LYRM4: variants seen among roughly 807,000 people sequenced by gnomAD.
LYRM4 encodes LYR motif containing 4, also known as LYR motif-containing protein 4.
A neutral mutation model predicts 11.7 loss-of-function variants in LYRM4; 9 were observed. The observed-to-expected ratio is 0.77, with a 90% confidence interval of 0.46 to 1.34. The LOEUF is 1.34. LYRM4 is among the 40% of genes most tolerant of loss of function. The pLI is 0.00. For synonymous variants in LYRM4, 42 were observed against 40.4 expected (o/e 1.04, Z -0.15); for missense variants, 133 against 112.5 (o/e 1.18, Z -0.82).
At chr6:5,069,211 G>T in the LYRM4 span, among the ~76,000 whole-genome samples, 2 of 151,912 alleles carry the variant, frequency 1.3e-5, no homozygotes, top group African/African-American at 4.8e-5. Flanking sequence ...TTGTTCTAAG[G>T]ATTTCTTTTC....
At chr6:5,042,005 T>A in the LYRM4 span, among the ~76,000 whole-genome samples, 5 of 152,348 alleles carry the variant, frequency 3.3e-5, no homozygotes, top group East Asian at 9.6e-4. Context: ...AGTTGTATTA[T>A]ATTTCAAAAT....
chr6:5,087,012 T>A, the LYRM4 span: 1 of 161,310 alleles, frequency 6.2e-6, no homozygotes, highest in African/African-American at 2.4e-5. Context: ...CCTGCCACGG[T>A]GCACCAGAGG....
intron 2 of LYRM4, among the ~76,000 whole-genome samples, chr6:5,125,445 C>T (rs1763657458): frequency 6.6e-6 from 1 of 152,230 alleles, no homozygotes; most frequent in Non-Finnish European, 1.5e-5. Flanking sequence ...GTTCCTCGAG[C>T]ACAGTGACCC....
chr6:5,083,024 C>T, the LYRM4 span, among the ~76,000 whole-genome samples: 1 of 152,228 alleles, frequency 6.6e-6, no homozygotes, highest in Admixed American at 6.5e-5. Flanking sequence ...GCCCCTCCCA[C>T]GCACTGAGAG....
the LYRM4 span, among the ~76,000 whole-genome samples, chr6:5,079,982 T>C: frequency 6.6e-6 from 1 of 152,360 alleles, no homozygotes; most frequent in African/African-American, 2.4e-5. Context: ...AATGTTTGCA[T>C]AGTGGTATTG....
At chr6:5,206,914 C>G (rs1761730977) in intron 2 of LYRM4, among the ~76,000 whole-genome samples, 1 of 151,950 alleles carries the variant, frequency 6.6e-6, no homozygotes, top group African/African-American at 2.4e-5. Flanking sequence ...GCTTCATTAC[C>G]AGACTAGGGA....
chr6:5,066,349 T>C, the LYRM4 span: 1 of 727,064 alleles, frequency 1.4e-6, no homozygotes, highest in Non-Finnish European at 2.6e-6. Flanking sequence ...AGTACAGGAA[T>C]ACGTCATATG....
rs1762988506 is a variant in LYRM4 at position 5,113,711 on chromosome 6, TTTC to T, written c.208-4223_208-4221del. 5.6e-5 allele frequency among the ~76,000 whole-genome samples: 8 copies of T among 143,662 alleles called. No homozygotes were observed. The South Asian group carries it at 1.6e-3, about 29-fold the overall frequency. 94.2% of individuals were successfully genotyped at this position (143,662 alleles called of 152,430 possible). On this transcript the variant is annotated intron_variant, in intron 2 of 2. Transcript: ENST00000330636. ...CTGCTCCTCTACCAGGTCCCAACAATTTCTTCCTTTCTTTTCTCTCTCTCTTTT... is the reference window on the plus strand; with the variant it reads ...CTGCTCCTCTACCAGGTCCCAACAATTTCCTTTCTTTTCTCTCTCTCTTTT...
At chr6:5,242,176 G>A (rs1763920131) in intron 1 of LYRM4, among the ~76,000 whole-genome samples, 1 of 151,126 alleles carries the variant, frequency 6.6e-6, no homozygotes, top group South Asian at 2.1e-4. Flanking sequence ...TGGTTCAAGC[G>A]ATTCTCCTGC....
the LYRM4 span, chr6:5,085,476 G>T: frequency 6.5e-7 from 1 of 1,528,878 alleles, no homozygotes; most frequent in African/African-American, 1.4e-5. Context: ...GTCCAGGGGC[G>T]AACGGCGTCA....
the LYRM4 span, chr6:5,066,851 C>T: frequency 1.2e-6 from 1 of 841,230 alleles, no homozygotes; most frequent in South Asian, 1.6e-5. Flanking sequence ...AGGAGTCAGA[C>T]AGGCCACGGC....
At chr6:5,138,774 A>C (rs1757249353) in intron 2 of LYRM4, 4 of 1,462,048 alleles carry the variant, frequency 2.7e-6, no homozygotes, top group Non-Finnish European at 9.2e-7. Flanking sequence ...AAAAGTTAAG[A>C]GTAACAGTTA....
intron 2 of LYRM4, among the ~76,000 whole-genome samples, chr6:5,200,052 T>C (rs1353255146): frequency 6.6e-6 from 1 of 152,222 alleles, no homozygotes; most frequent in African/African-American, 2.4e-5. Context: ...TTCCCACAAA[T>C]TCCCCCTGAA....
At chr6:5,070,223 T>G in the LYRM4 span, among the ~76,000 whole-genome samples, 3 of 152,178 alleles carry the variant, frequency 2.0e-5, no homozygotes. Context: ...AGCCAGACTC[T>G]AGGAAACTTA....
chr6:5,236,842 A>G (rs936744932), intron 1 of LYRM4, among the ~76,000 whole-genome samples: 1 of 151,800 alleles, frequency 6.6e-6, no homozygotes, highest in Non-Finnish European at 1.5e-5. Context: ...CTGTAGCCCC[A>G]GCTATTTGGG....
At chr6:5,221,509 A>G (rs747356098) in intron 1 of LYRM4, among the ~76,000 whole-genome samples, 13 of 152,100 alleles carry the variant, frequency 8.5e-5, no homozygotes, top group Non-Finnish European at 1.9e-4. Context: ...CCTGGTCAAC[A>G]TGGTGAAACC....
chr6:5,089,692 A>G, the LYRM4 span, among the ~76,000 whole-genome samples: 1 of 152,210 alleles, frequency 6.6e-6, no homozygotes, highest in African/African-American at 2.4e-5. Context: ...TATGGCTGCT[A>G]GGAAAGGAAA....
intron 2 of LYRM4, among the ~76,000 whole-genome samples, chr6:5,192,238 G>C (rs1232809334): frequency 1.3e-5 from 2 of 152,134 alleles, no homozygotes; most frequent in African/African-American, 4.8e-5. Context: ...TTAAAGTGCT[G>C]CTACTTCTGA....
At chr6:5,200,303 C>T (rs960362130) in intron 2 of LYRM4, among the ~76,000 whole-genome samples, 1 of 152,162 alleles carries the variant, frequency 6.6e-6, no homozygotes, top group Non-Finnish European at 1.5e-5. Flanking sequence ...CAGATGAGGA[C>T]TCCACTCTCG....
Sources: gnomAD v4.1 joint callset for allele counts (sites outside exome capture counted in the v4.1 genomes callset) on GRCh38, gnomAD v4.1.1 for gene constraint, MANE v1.5 for transcripts, NCBI Gene and HGNC (gene_info 2026-07-23, HGNC 2026-07-21) for gene names.